RNF6: variants seen among roughly 807,000 people sequenced by gnomAD.
The protein encoded by RNF6 is ring finger protein 6, also known as E3 ubiquitin-protein ligase RNF6.
RNF6 carries 21 observed loss-of-function variants against 50.1 expected under a neutral mutation model. The observed-to-expected ratio is 0.42, with a 90% CI of 0.30 to 0.60. The LOEUF is 0.60. Among genes scored for constraint, RNF6 ranks in the 20% least tolerant of loss-of-function variants. The pLI is 0.20. For synonymous variants in RNF6, 255 were observed against 291.8 expected (o/e 0.87, Z 1.29); for missense variants, 698 against 838.2 (o/e 0.83, Z 2.07).
intron 5 of RNF6, among the ~76,000 whole-genome samples, chr13:26,171,750 A>T (rs1396385055): frequency 6.6e-6 from 1 of 152,256 alleles, no homozygotes; most frequent in Non-Finnish European, 1.5e-5. Flanking sequence ...TACAACATGG[A>T]TGAAACTTCA....
intron 5 of RNF6, chr13:26,150,740 C>A (rs1165916297): frequency 6.6e-6 from 1 of 151,764 alleles, no homozygotes; most frequent in Non-Finnish European, 1.5e-5. Flanking sequence ...GAAAAAAAAT[C>A]AACAATAATA....
rs371383426 is a variant in RNF6, at chr13:26,175,200, C to T, written n.768+40274G>A. Among the ~76,000 whole-genome samples the T allele has an allele frequency of 2.4e-4, 37 of 152,234 alleles. No homozygotes were observed. The East Asian group carries it at 2.7e-3, about 11-fold the overall frequency. ...GGTTCAAGCAATTCTCTTGCCTCAG[C>T]CCCCCGAGTAGCTGGGACTACAGGT... On this transcript the variant is annotated intron_variant and non_coding_transcript_variant, in intron 5 of 5. Transcript: ENST00000468480.
At chr13:26,212,147 T>C (rs1869351974), downstream of RNF6, among the ~76,000 whole-genome samples, 1 of 152,200 alleles carries the variant, frequency 6.6e-6, no homozygotes, top group African/African-American at 2.4e-5. Context: ...TTGTGTTCTA[T>C]ATGCTGTAGT....
chr13:26,173,693 GAAA>G (rs577539572), intron 5 of RNF6, among the ~76,000 whole-genome samples: 4 of 150,422 alleles, frequency 2.7e-5, no homozygotes, highest in African/African-American at 7.3e-5. Flanking sequence ...TATTTCTTTG[GAAA>G]AAAAAAAAGC....
At chr13:26,175,686 G>T (rs1872922289) in intron 5 of RNF6, among the ~76,000 whole-genome samples, 1 of 152,194 alleles carries the variant, frequency 6.6e-6, no homozygotes, top group Non-Finnish European at 1.5e-5. Flanking sequence ...AACCAGGACA[G>T]GGATCCAAGA....
intron 5 of RNF6, among the ~76,000 whole-genome samples, chr13:26,167,041 G>A (rs945959079): frequency 2.0e-5 from 3 of 152,160 alleles, no homozygotes; most frequent in Non-Finnish European, 4.4e-5. Context: ...TTAGCATTGT[G>A]AGAACATGCT....
intron 5 of RNF6, among the ~76,000 whole-genome samples, chr13:26,164,279 G>C (rs1872345198): frequency 6.6e-6 from 1 of 152,082 alleles, no homozygotes; most frequent in Non-Finnish European, 1.5e-5. Context: ...CTCTCACTTT[G>C]AAACTATATG....
At chr13:26,204,450 T>C (rs1869018337) in intron 5 of RNF6, among the ~76,000 whole-genome samples, 8 of 141,494 alleles carry the variant, frequency 5.7e-5, no homozygotes, top group Admixed American at 5.4e-4. Flanking sequence ...TGAGCCGAGA[T>C]TGCACCACTG....
chr13:26,148,047 A>G (rs980490106), intron 5 of RNF6, among the ~76,000 whole-genome samples: 1 of 152,216 alleles, frequency 6.6e-6, no homozygotes, highest in Admixed American at 6.5e-5. Flanking sequence ...ATTGACTCAC[A>G]GTTCCACCTG....
At chr13:26,208,734 A>G (rs948470560), downstream of RNF6, among the ~76,000 whole-genome samples, 2 of 152,214 alleles carry the variant, frequency 1.3e-5, no homozygotes, top group African/African-American at 2.4e-5. Flanking sequence ...GACTGGTCAC[A>G]TAATCTGATC....
Position 26,202,736 on chromosome 13 carries a change from T to C in RNF6, n.768+12738A>G, listed in dbSNP as rs539965214. Among the ~76,000 whole-genome samples the C allele has an allele frequency of 2.0e-5, 3 of 152,288 alleles. No individual in the cohort carries two copies. In the East Asian group the frequency reaches 5.8e-4, roughly 29 times the overall value. Reference sequence around the variant, plus strand: ...GAGGGTCAATGATCAAGAATAAAAATAGTATGGTACATTTAGAAAGGAAAA... The same window carrying C: ...GAGGGTCAATGATCAAGAATAAAAACAGTATGGTACATTTAGAAAGGAAAA... On this transcript the variant is annotated intron_variant and non_coding_transcript_variant, in intron 5 of 5. Coordinates refer to the RNF6 transcript ENST00000468480.
intron 5 of RNF6, among the ~76,000 whole-genome samples, chr13:26,190,820 C>T (rs1868424342): frequency 6.6e-6 from 1 of 152,110 alleles, no homozygotes; most frequent in Non-Finnish European, 1.5e-5. Context: ...TCATTGTTTG[C>T]CACCTCTCTT....
chr13:26,146,863 G>A (rs1019804754), intron 5 of RNF6, among the ~76,000 whole-genome samples: 2 of 152,252 alleles, frequency 1.3e-5, no homozygotes, highest in East Asian at 3.9e-4. Flanking sequence ...CTTGATGGTA[G>A]GTGACTGAAT....
chr13:26,159,221 G>C (rs1464504985), intron 5 of RNF6, among the ~76,000 whole-genome samples: 1 of 152,028 alleles, frequency 6.6e-6, no homozygotes, highest in Non-Finnish European at 1.5e-5. Flanking sequence ...GAGCCAAAAT[G>C]TTCACAAAAT....
intron 5 of RNF6, among the ~76,000 whole-genome samples, chr13:26,168,301 A>G (rs1446902383): frequency 6.6e-6 from 1 of 152,254 alleles, no homozygotes. Context: ...GGCTATGAAC[A>G]GGAATAAGTG....
intron 5 of RNF6, among the ~76,000 whole-genome samples, chr13:26,206,227 G>T (rs1045926628): frequency 6.6e-6 from 1 of 151,818 alleles, no homozygotes; most frequent in African/African-American, 2.4e-5. Flanking sequence ...TGCTGGTTGG[G>T]GAGGGGAGCC....
At chr13:26,148,097 G>A (rs1378367301) in intron 5 of RNF6, among the ~76,000 whole-genome samples, 2 of 152,154 alleles carry the variant, frequency 1.3e-5, no homozygotes. Context: ...ATGACATAAG[G>A]CGAAGGAGAA....
intron 5 of RNF6, among the ~76,000 whole-genome samples, chr13:26,133,287 A>G (rs1424133098): frequency 1.3e-5 from 2 of 152,192 alleles, no homozygotes; most frequent in Non-Finnish European, 2.9e-5. Flanking sequence ...ATTTATTTTC[A>G]TAAGTTTGAC....
intron 5 of RNF6, among the ~76,000 whole-genome samples, chr13:26,148,175 A>T (rs897202976): frequency 6.6e-6 from 1 of 152,076 alleles, no homozygotes; most frequent in Admixed American, 6.6e-5. Flanking sequence ...ACCATACTTT[A>T]AAACCATCAG....
Sources: gnomAD v4.1 joint callset for allele counts (sites outside exome capture counted in the v4.1 genomes callset) on GRCh38, gnomAD v4.1.1 for gene constraint, MANE v1.5 for transcripts, NCBI Gene and HGNC (gene_info 2026-07-23, HGNC 2026-07-21) for gene names.